The following NEMP2 variants were observed in gnomAD, a reference collection of about 807,000 sequenced individuals.
NEMP2 encodes UPF0571 transmembrane protein.
A neutral mutation model predicts 54.2 loss-of-function variants in NEMP2; 53 were observed. That is an observed-to-expected ratio of 0.98 (90% CI 0.78 to 1.23). The LOEUF is 1.23. NEMP2 is among the 50% of genes most tolerant of loss of function. The pLI is 0.00. For missense variants in NEMP2, 455 were observed against 511.3 expected (o/e 0.89, Z 1.06); for synonymous variants, 197 against 190.3 (o/e 1.04, Z -0.29).
chr2:190,422,888 C>CT, the NEMP2 span, among the ~76,000 whole-genome samples: 311 of 151,118 alleles, frequency 2.1e-3, 3 homozygotes, highest in East Asian at 0.037. Context: ...CTACTTTCAT[C>CT]TTTTTTTTTC....
chr2:190,630,419 T>C, the NEMP2 span, among the ~76,000 whole-genome samples: 1 of 152,056 alleles, frequency 6.6e-6, no homozygotes, highest in African/African-American at 2.4e-5. The surrounding 1 kb of genome is among the most constrained non-coding windows in gnomAD (Gnocchi z 5.5). Flanking sequence ...GGTTTCACCA[T>C]GTTGGCCAGG....
At chr2:190,625,921 C>G in the NEMP2 span, 2 of 152,160 alleles carry the variant, frequency 1.3e-5, no homozygotes, top group African/African-American at 4.8e-5. Context: ...CTTTTTCAAA[C>G]ATGGTGACTG....
chr2:190,485,662 C>G, the NEMP2 span, among the ~76,000 whole-genome samples: 4 of 152,060 alleles, frequency 2.6e-5, no homozygotes, highest in East Asian at 7.7e-4. The surrounding 1 kb of genome is among the most constrained non-coding windows in gnomAD (Gnocchi z 5.1). Context: ...TTAAGACTAT[C>G]CAGGCATTAT....
chr2:190,569,825 G>T, the NEMP2 span, among the ~76,000 whole-genome samples: 1 of 150,460 alleles, frequency 6.6e-6, no homozygotes, highest in Non-Finnish European at 1.5e-5. Flanking sequence ...CAACAATAAA[G>T]TGCAATAAAT....
the NEMP2 span, among the ~76,000 whole-genome samples, chr2:190,468,644 A>C: frequency 7.0e-6 from 1 of 142,696 alleles, no homozygotes; most frequent in African/African-American, 2.6e-5. Flanking sequence ...TTTTTGGTAG[A>C]GACAGGTTCT....
At chr2:190,630,230 G>A in the NEMP2 span, among the ~76,000 whole-genome samples, 15 of 152,152 alleles carry the variant, frequency 9.9e-5, no homozygotes, top group Admixed American at 9.2e-4. This position sits in a 1 kb window ranked among gnomAD's most constrained non-coding sequence, Gnocchi z 5.5. Flanking sequence ...TCAGACAAGG[G>A]CAATTTTTGT....
the NEMP2 span, among the ~76,000 whole-genome samples, chr2:190,464,153 T>G: frequency 6.6e-6 from 1 of 152,216 alleles, no homozygotes; most frequent in African/African-American, 2.4e-5. Flanking sequence ...TGCGTGCATC[T>G]TTGCGTGAGG....
At chr2:190,428,304 T>A in the NEMP2 span, among the ~76,000 whole-genome samples, 2 of 152,226 alleles carry the variant, frequency 1.3e-5, no homozygotes, top group Non-Finnish European at 2.9e-5. Flanking sequence ...TGAACATGTT[T>A]ATAGATGTCT....
At chr2:190,571,619 T>C in the NEMP2 span, among the ~76,000 whole-genome samples, 1 of 152,138 alleles carries the variant, frequency 6.6e-6, no homozygotes, top group Non-Finnish European at 1.5e-5. Flanking sequence ...AGATTCACTC[T>C]CTTACGAATT....
At position 190,514,482 on chromosome 2, in the gene NEMP2, G is replaced by A. The variant is rs1172393248; in HGVS notation, c.924C>T (p.Tyr308=). The A allele has an allele frequency of 1.3e-6, 2 of 1,551,520 alleles. No individual in the cohort carries two copies. Among genetic ancestry groups the A allele is most frequent in the Non-Finnish European group, 1.7e-6 (2 of 1,146,984 alleles). ...ILLMSSWSLH[Y]PLRACSYMRW... is the part of the protein sequence containing the mutation. ...TCATATAACTGCATGCTCTCAGTGG[G>A]TAGTGCAGACTCCAGGAGGACATGA... Residue 308 remains tyrosine (Y), a synonymous_variant, in exon 7 of 9, where the codon TAC becomes TAT. Coordinates refer to ENST00000409150, the MANE Select transcript of NEMP2 (RefSeq NM_001142645.2). This position sits in a 1 kb window ranked among gnomAD's most constrained non-coding sequence, Gnocchi z 5.7.
chr2:190,455,316 G>T, the NEMP2 span, among the ~76,000 whole-genome samples: 1 of 152,046 alleles, frequency 6.6e-6, no homozygotes, highest in African/African-American at 2.4e-5. Flanking sequence ...AACGTTTTAA[G>T]TATAGGTATA....
chr2:190,518,835 A>G (rs1350805502), intron 3 of NEMP2, 27 bp from the exon 4 acceptor site: 2 of 1,529,416 alleles, frequency 1.3e-6, no homozygotes, highest in Non-Finnish European at 8.8e-7. Context: ...ACACAAACAC[A>G]TAACAAAGAT....
chr2:190,457,227 C>A, the NEMP2 span, among the ~76,000 whole-genome samples: 3 of 152,228 alleles, frequency 2.0e-5, no homozygotes, highest in Admixed American at 2.0e-4. This position sits in a 1 kb window ranked among gnomAD's most constrained non-coding sequence, Gnocchi z 5.1. Context: ...TTGACTTCCA[C>A]TGGCCAACCG....
the NEMP2 span, among the ~76,000 whole-genome samples, chr2:190,602,495 A>T: frequency 1.4e-4 from 21 of 152,258 alleles, no homozygotes; most frequent in Non-Finnish European, 2.2e-4. Context: ...ATACCTTCGC[A>T]ATAACATCTA....
the NEMP2 span, among the ~76,000 whole-genome samples, chr2:190,638,658 G>A: frequency 1.3e-5 from 2 of 152,180 alleles, no homozygotes; most frequent in African/African-American, 2.4e-5. This position sits in a 1 kb window ranked among gnomAD's most constrained non-coding sequence, Gnocchi z 5.7. Context: ...TACTGTATGG[G>A]TCTGAAAGAC....
chr2:190,555,685 A>G, the NEMP2 span, among the ~76,000 whole-genome samples: 26 of 152,318 alleles, frequency 1.7e-4, no homozygotes, highest in South Asian at 5.2e-3. The surrounding 1 kb of genome is among the most constrained non-coding windows in gnomAD (Gnocchi z 4.8). Flanking sequence ...GATCAACTCT[A>G]CATTAGATTG....
chr2:190,624,325 G>A, the NEMP2 span, among the ~76,000 whole-genome samples: 1 of 152,140 alleles, frequency 6.6e-6, no homozygotes, highest in Non-Finnish European at 1.5e-5. Context: ...TGTGGAGAAA[G>A]GGGAATACCC....
At chr2:190,453,984 G>A in the NEMP2 span, 1 of 152,182 alleles carries the variant, frequency 6.6e-6, no homozygotes, top group Non-Finnish European at 1.5e-5. Context: ...GAAGATTCTT[G>A]TATCTTTTAT....
At chr2:190,564,360 C>A in the NEMP2 span, among the ~76,000 whole-genome samples, 3 of 152,200 alleles carry the variant, frequency 2.0e-5, no homozygotes, top group Non-Finnish European at 4.4e-5. The surrounding 1 kb of genome is among the most constrained non-coding windows in gnomAD (Gnocchi z 4.2). Context: ...CAATCCATGG[C>A]TGGAAACTTG....
Sources: gnomAD v4.1 joint callset for allele counts (sites outside exome capture counted in the v4.1 genomes callset) on GRCh38, gnomAD v4.1.1 for gene constraint, Gnocchi (gnomAD v3.1) non-coding constraint, MANE v1.5 for transcripts, NCBI Gene and HGNC (gene_info 2026-07-23, HGNC 2026-07-21) for gene names.